The following TLR5 variants were observed in gnomAD, a reference collection of about 807,000 sequenced individuals.
TLR5 encodes toll like receptor 5.
For missense variants in TLR5, 944 were observed against 999.8 expected, an observed-to-expected ratio of 0.94 and a Z score of 0.75; for synonymous variants, 373 against 384.4, an observed-to-expected ratio of 0.97 and a Z score of 0.35.
In TLR5 at chr1:223,112,170, T is replaced by A; in HGVS notation, c.862A>T (p.Ser288Cys). The part of the protein sequence containing the change: ...DQNTFAGLAR[S>C]SVRHLDLSHG... ...GAAAGATCCAGGTGTCTCACTGAAC[T>A]TCTGGCCAGGCCAGCAAATGTGTTC... Residue 288 changes from serine (S) to cysteine (C), a missense_variant, in exon 6 of 6, where the codon AGT becomes TGT. Ser to Cys is a moderately radical substitution (Grantham distance 112). Coordinates refer to ENST00000642603, the MANE Select transcript of TLR5 (RefSeq NM_003268.6). 6.2e-7 allele frequency: 1 copy of A among 1,614,144 alleles called. No homozygotes were observed. Among genetic ancestry groups the A allele is most frequent in the Non-Finnish European group, 8.5e-7 (1 of 1,179,944 alleles).
At chr1:223,117,562 C>CAAAAAAAAAAAAAAAAAAAAAAA (rs66839180) in intron 5 of TLR5, among the ~76,000 whole-genome samples, 1 of 105,118 alleles carries the variant, frequency 9.5e-6, no homozygotes, top group Non-Finnish European at 1.9e-5. Flanking sequence ...ATGGTGTTCA[C>CAAAAAAAAAAAAAAAAAAAAAAA]AAAAAAAAAA....
chr1:223,122,606 G>A (rs1656998240), intron 5 of TLR5, among the ~76,000 whole-genome samples: 1 of 152,190 alleles, frequency 6.6e-6, no homozygotes, highest in Admixed American at 6.5e-5. Flanking sequence ...AGATTCTGAA[G>A]TGCCCTAACA....
chr1:223,140,239 G>C (rs1373103746), intron 2 of TLR5, among the ~76,000 whole-genome samples: 1 of 152,096 alleles, frequency 6.6e-6, no homozygotes, highest in Non-Finnish European at 1.5e-5. Flanking sequence ...ATAAAGTAAA[G>C]GAGGCACACA....
rs1405125163 is a variant in TLR5 at position 223,110,382 on chromosome 1, AATG to A, written c.*70_*72del. On this transcript the variant is annotated 3_prime_UTR_variant, in exon 6 of 6. Coordinates refer to ENST00000642603, the MANE Select transcript of TLR5 (RefSeq NM_003268.6). ...AAAAAACCTCCAGAGAGGACCCCAA[AATG>A]ATAACTTGGTGCAAATACAAAGTGA... 3 of 1,561,724 alleles carry A rather than the reference AATG, an allele frequency of 1.9e-6. No individual in the cohort carries two copies. Among genetic ancestry groups the A allele is most frequent in the Non-Finnish European group, 2.6e-6 (3 of 1,139,086 alleles).
chr1:223,112,568 T>G lies in TLR5; in HGVS notation c.464A>C (p.Asn155Thr), dbSNP rs138976900. ...ATGAAGGTAAAGGCTACGAATCTGATTTTTGGATAGATCCAAGCGAGTTAA... is the reference window on the plus strand; with the variant it reads ...ATGAAGGTAAAGGCTACGAATCTGAGTTTTGGATAGATCCAAGCGAGTTAA... ...KALTRLDLSK[N>T]QIRSLYLHPS... is the part of the protein sequence containing the mutation. The change falls in exon 6 of 6, where the codon AAT (asparagine) becomes ACT (threonine). Residue 155 changes from asparagine to threonine, a missense_variant. Physicochemically the swap from Asn to Thr is moderately conservative, Grantham distance 65. Transcript: ENST00000642603. 3.7e-5 allele frequency: 60 copies of G among 1,614,266 alleles called. No individual in the cohort carries two copies. The African/African-American group carries it at 7.9e-4, about 21-fold the overall frequency.
chr1:223,140,285 G>C (rs1198661003), intron 2 of TLR5, among the ~76,000 whole-genome samples: 2 of 152,168 alleles, frequency 1.3e-5, no homozygotes, highest in East Asian at 3.9e-4. Flanking sequence ...GGTGGCTCAC[G>C]CCTGTAATCC....
At chr1:223,142,261 G>A (rs1657906403) in intron 1 of TLR5, among the ~76,000 whole-genome samples, 2 of 152,134 alleles carry the variant, frequency 1.3e-5, no homozygotes, top group East Asian at 3.9e-4. Flanking sequence ...GCAAGAGGGC[G>A]GCATTACAGA....
chr1:223,116,863 CAA>C (rs1190391648), intron 5 of TLR5, among the ~76,000 whole-genome samples: 3 of 152,204 alleles, frequency 2.0e-5, no homozygotes, highest in African/African-American at 7.2e-5. Context: ...AAAAGTTCTC[CAA>C]GTCCCCACCT....
rs1240385665 is a variant in TLR5 at position 223,119,992 on chromosome 1, T to TAAAA, written c.-4-6961_-4-6958dup. Among the ~76,000 whole-genome samples, 11 of 54,244 alleles carry TAAAA rather than the reference T, an allele frequency of 2.0e-4. 2 individuals are homozygous for TAAAA. The highest frequency in any genetic ancestry group is 8.2e-4 in the East Asian group (1 of 1,216). 35.6% of individuals were successfully genotyped at this position (54,244 alleles called of 152,430 possible). Reference sequence around the variant, plus strand: ...ATAAAATAAAATAAATAAAATAAAATAAAATAAAATAAAATAAAATAAAAT... The same window carrying TAAAA: ...ATAAAATAAAATAAATAAAATAAAATAAAAAAAATAAAATAAAATAAAATAAAAT... On this transcript the variant is annotated intron_variant, in intron 5 of 5. Transcript: ENST00000642603.
At chr1:223,134,369 G>C (rs1409432928) in intron 4 of TLR5, 1 of 152,166 alleles carries the variant, frequency 6.6e-6, no homozygotes, top group Non-Finnish European at 1.5e-5. Context: ...GTGATTTTGT[G>C]TTTCTTTAGC....
chr1:223,111,245 T>C lies in TLR5; in HGVS notation c.1787A>G (p.His596Arg). 21 of 1,614,208 alleles carry C rather than the reference T, an allele frequency of 1.3e-5. No homozygotes were observed. The highest frequency in any genetic ancestry group is 1.8e-5 in the Non-Finnish European group (21 of 1,180,034). The change falls in exon 6 of 6, where the codon CAC (histidine) becomes CGC (arginine). Residue 596 changes from histidine (H) to arginine (R), a missense_variant. Transcript: ENST00000642603. ...ELSTFINWLN[H>R]TNVTIAGPPA... is the part of the protein sequence containing the mutation. ...AGGCCCAGCTATAGTGACATTGGTG[T>C]GATTAAGCCAATTGATAAAAGTGCT...
intron 5 of TLR5, among the ~76,000 whole-genome samples, chr1:223,129,874 GT>G (rs1162947572): frequency 3.3e-5 from 5 of 152,178 alleles, no homozygotes; most frequent in Non-Finnish European, 5.9e-5. Context: ...AGCACACGAG[GT>G]TTCTGTGCAC....
intron 5 of TLR5, chr1:223,127,920 C>T (rs905160837): frequency 1.3e-5 from 2 of 152,530 alleles, no homozygotes; most frequent in Admixed American, 6.5e-5. Context: ...AGCACCTGGG[C>T]TTAGCGAGCA....
chr1:223,125,873 C>T (rs896180502), intron 5 of TLR5, among the ~76,000 whole-genome samples: 2 of 152,204 alleles, frequency 1.3e-5, no homozygotes, highest in Non-Finnish European at 2.9e-5. Context: ...AGCAGAGAGT[C>T]TGATCACCTG....
At chr1:223,113,860 C>T (rs1656495700) in intron 5 of TLR5, among the ~76,000 whole-genome samples, 1 of 152,218 alleles carries the variant, frequency 6.6e-6, no homozygotes, top group South Asian at 2.1e-4. Context: ...CAGGAAGAGA[C>T]ACAATGTTGC....
intron 5 of TLR5, among the ~76,000 whole-genome samples, chr1:223,113,513 G>T (rs914702230): frequency 6.6e-5 from 10 of 151,960 alleles, no homozygotes; most frequent in Admixed American, 1.3e-4. Flanking sequence ...GCCTATTCTT[G>T]CTCTCTATCA....
At chr1:223,116,544 T>C (rs998622378) in intron 5 of TLR5, among the ~76,000 whole-genome samples, 2 of 152,120 alleles carry the variant, frequency 1.3e-5, no homozygotes, top group Admixed American at 1.3e-4. Flanking sequence ...GGCAGCAAGA[T>C]TTACTGCAAA....
rs5744170 is a variant in TLR5 at position 223,111,664 on chromosome 1, A to G, written c.1368T>C (p.Asn456=). ...CACTACAGGAGGAGAAGCGATTTTG[A>G]TTTAAAATGAGAATCTGGAGATGAG... is the stretch of plus-strand genomic sequence containing the variant. The part of the protein sequence containing the change: ...RVPHLQILIL[N]QNRFSSCSGD... The change falls in exon 6 of 6, where the codon AAT becomes AAC. Residue 456 remains asparagine (N), a synonymous_variant. Coordinates refer to ENST00000642603, the MANE Select transcript of TLR5 (RefSeq NM_003268.6). 489 of 1,614,176 alleles carry G rather than the reference A, an allele frequency of 3.0e-4. 1 individual carries two copies. In the African/African-American group the frequency reaches 5.3e-3, roughly 17 times the overall value.
At chr1:223,116,005 T>C (rs851139) in intron 5 of TLR5, among the ~76,000 whole-genome samples, 104,115 of 152,110 alleles carry the variant, frequency 0.68, 36,836 homozygotes, top group African/African-American at 0.87. Flanking sequence ...GCTCTTACTG[T>C]GGCGAGATCT....
Sources: allele counts gnomAD v4.1 joint callset (sites outside exome capture counted in the v4.1 genomes callset), GRCh38; gene constraint gnomAD v4.1.1; transcripts MANE v1.5; gene names NCBI Gene and HGNC (gene_info 2026-07-23, HGNC 2026-07-21).